The following ARHGEF10 variants were observed in gnomAD, a reference collection of about 807,000 sequenced individuals.
ARHGEF10 encodes the protein Rho guanine nucleotide exchange factor 10.
A neutral mutation model predicts 147.4 loss-of-function variants in ARHGEF10; 140 were observed. The observed-to-expected ratio is 0.95, with a 90% CI of 0.83 to 1.09. The LOEUF (loss-of-function observed/expected upper bound fraction) is 1.09. ARHGEF10 is among the 50% of genes least tolerant of loss of function. The pLI, the probability that ARHGEF10 is intolerant of heterozygous loss-of-function variation, is 0.00. For missense variants in ARHGEF10, 2,222 were observed against 1,752.7 expected (o/e 1.27, Z -4.78); for synonymous variants, 902 against 695.8 (o/e 1.30, Z -4.67).
At chr8:1,834,700 T>G (rs1337886128) in intron 1 of ARHGEF10, among the ~76,000 whole-genome samples, 1 of 152,270 alleles carries the variant, frequency 6.6e-6, no homozygotes, top group Non-Finnish European at 1.5e-5. Context: ...TTGGTTGAGT[T>G]AACCATGACA....
At chr8:1,840,098 T>C in intron 1 of ARHGEF10, among the ~76,000 whole-genome samples, 1 of 129,398 alleles carries the variant, frequency 7.7e-6, no homozygotes, top group Non-Finnish European at 1.6e-5. Context: ...GACTGTCCGG[T>C]GTGGAATCTG....
chr8:1,854,525 A>C (rs1805401135), intron 2 of ARHGEF10, among the ~76,000 whole-genome samples: 1 of 152,048 alleles, frequency 6.6e-6, no homozygotes, highest in South Asian at 2.1e-4. Context: ...CAGTGTTTGC[A>C]GAGGATGGAG....
At chr8:1,835,040 C>T (rs920229545) in intron 1 of ARHGEF10, among the ~76,000 whole-genome samples, 3 of 152,198 alleles carry the variant, frequency 2.0e-5, no homozygotes, top group Non-Finnish European at 2.9e-5. Context: ...TCGGCTCGGT[C>T]GGGGAGTGCT....
At chr8:1,856,127 G>A (rs1805532976) in intron 2 of ARHGEF10, among the ~76,000 whole-genome samples, 1 of 152,232 alleles carries the variant, frequency 6.6e-6, no homozygotes. Context: ...CCTCTAGGAA[G>A]TGGGTGAGGC....
intron 11 of ARHGEF10, 59 bp downstream of exon 11, chr8:1,885,766 T>C (rs1429253065): frequency 1.5e-6 from 2 of 1,330,592 alleles, no homozygotes; most frequent in East Asian, 2.3e-5. Flanking sequence ...AGTTTTTAAA[T>C]ATTTGTGTGT....
At chr8:1,881,475 C>T (rs1290461579) in intron 9 of ARHGEF10, among the ~76,000 whole-genome samples, 2 of 152,032 alleles carry the variant, frequency 1.3e-5, no homozygotes, top group African/African-American at 4.8e-5. Flanking sequence ...CGGCATCGGG[C>T]GGGAGGCAGG....
intron 2 of ARHGEF10, among the ~76,000 whole-genome samples, chr8:1,844,907 A>AAGAATAATAAT (rs1270009870): frequency 2.0e-5 from 3 of 152,178 alleles, no homozygotes; most frequent in African/African-American, 7.2e-5. Context: ...TATCTGCAAA[A>AAGAATAATAAT]AGAATAATAA....
intron 2 of ARHGEF10, among the ~76,000 whole-genome samples, chr8:1,853,325 C>A (rs1805290558): frequency 1.3e-5 from 2 of 152,242 alleles, no homozygotes; most frequent in South Asian, 4.1e-4. Flanking sequence ...CTGGGCTCCA[C>A]AGGGACCAAC....
At chr8:1,859,714 G>T (rs1805933733) in intron 3 of ARHGEF10, among the ~76,000 whole-genome samples, 183 bp from the exon 4 acceptor site, 1 of 152,210 alleles carries the variant, frequency 6.6e-6, no homozygotes, top group South Asian at 2.1e-4. Flanking sequence ...GCCCAGAGGT[G>T]ATGCTGGGTT....
At chr8:1,841,877 AACT>A in intron 1 of ARHGEF10, among the ~76,000 whole-genome samples, 1 of 96,038 alleles carries the variant, frequency 1.0e-5, no homozygotes, top group Non-Finnish European at 2.1e-5. Flanking sequence ...CCGCGGCGGG[AACT>A]GGGGCCGCGG....
intron 1 of ARHGEF10, among the ~76,000 whole-genome samples, chr8:1,832,553 CAGAG>C (rs1245426770): frequency 8.8e-6 from 1 of 113,286 alleles, no homozygotes; most frequent in African/African-American, 3.6e-5. Context: ...GAGGCAGAGA[CAGAG>C]AGAGACAGAG....
chr8:1,880,194 A>G (rs1341246005), intron 9 of ARHGEF10, 30 bp downstream of exon 9: 2 of 1,519,554 alleles, frequency 1.3e-6, no homozygotes, highest in Non-Finnish European at 1.8e-6. Context: ...CGCTGCCCCC[A>G]CTTGCCAGCC....
chr8:1,937,687 G>C lies in ARHGEF10; in HGVS notation c.3222+3745G>C, dbSNP rs528307207. 1.1e-4 allele frequency among the ~76,000 whole-genome samples: 17 copies of C among 152,380 alleles called. No individual in the cohort carries two copies. The highest frequency in any genetic ancestry group is 2.6e-4 in the Admixed American group (4 of 15,314). The stretch of plus-strand genomic sequence containing the variant: ...GGGGCTGGGGCAGCCCACAGGACCT[G>C]AGCCCACAAGATTCGAGCCCTGGGT... On this transcript the variant is annotated intron_variant, in intron 26 of 28. Coordinates refer to ENST00000349830, the MANE Select transcript of ARHGEF10 (RefSeq NM_014629.4). This position sits in a 1 kb window ranked among gnomAD's most constrained non-coding sequence, Gnocchi z 4.9.
chr8:1,873,510 T>G (rs60699468), intron 7 of ARHGEF10, among the ~76,000 whole-genome samples: 2 of 45,248 alleles, frequency 4.4e-5, no homozygotes, highest in African/African-American at 3.0e-4. Context: ...CATTTCCTCG[T>G]TTGAGAGGCG....
chr8:1,929,382 G>A lies in ARHGEF10; in HGVS notation c.3018G>A (p.Thr1006=), dbSNP rs148672492. The A allele has an allele frequency of 8.2e-5, 132 of 1,613,480 alleles. 1 individual carries two copies. The African/African-American group carries it at 1.3e-3, about 16-fold the overall frequency. ...CCACAGTCATGAGCCTGGCTTGCAC[G>A]TCTCAGAGCCTGTACGCTGGCCTGG... is the stretch of plus-strand genomic sequence containing the variant. The part of the protein sequence containing the change: ...EKSTVMSLAC[T]SQSLYAGLVN... Residue 1006 remains threonine, a synonymous_variant, in exon 25 of 29, where the codon ACG becomes ACA. Coordinates refer to ENST00000349830, the MANE Select transcript of ARHGEF10 (RefSeq NM_014629.4).
chr8:1,926,105 C>T (rs1424181395), intron 22 of ARHGEF10, among the ~76,000 whole-genome samples: 3 of 152,174 alleles, frequency 2.0e-5, no homozygotes, highest in Admixed American at 6.5e-5. Flanking sequence ...CCATCTGAAG[C>T]GCCCTGAGCT....
intron 24 of ARHGEF10, 103 bp from the exon 25 acceptor site, chr8:1,929,183 G>A (rs1748931508): frequency 7.7e-7 from 1 of 1,295,856 alleles, no homozygotes; most frequent in Non-Finnish European, 1.1e-6. Context: ...GAGAAGGAAG[G>A]GCAAGAGGGA....
chr8:1,836,182 GAA>G (rs67708263), intron 1 of ARHGEF10, among the ~76,000 whole-genome samples: 30 of 144,892 alleles, frequency 2.1e-4, no homozygotes, highest in Middle Eastern at 3.6e-3. Flanking sequence ...CTCTGCCATG[GAA>G]AAAAAAAAAA....
chr8:1,898,620 C>G (rs1210729212), intron 15 of ARHGEF10, 95 bp downstream of exon 15: 2 of 1,233,196 alleles, frequency 1.6e-6, no homozygotes, highest in Non-Finnish European at 1.2e-6. Context: ...GGAATGGCTG[C>G]CCCTCGGGCC....
Sources: gnomAD v4.1 joint callset for allele counts (sites outside exome capture counted in the v4.1 genomes callset) on GRCh38, gnomAD v4.1.1 for gene constraint, Gnocchi (gnomAD v3.1) non-coding constraint, MANE v1.5 for transcripts, NCBI Gene and HGNC (gene_info 2026-07-23, HGNC 2026-07-21) for gene names.